The following DUSP16 variants were observed in gnomAD, a reference collection of about 807,000 sequenced individuals.
DUSP16 encodes the protein dual specificity protein phosphatase 16.
DUSP16 carries 21 observed loss-of-function variants against 58.3 expected under a neutral mutation model. The ratio of observed to expected loss-of-function variants is 0.36; its 90% CI spans 0.26 to 0.52. DUSP16 has a LOEUF of 0.52. Among genes scored for constraint, DUSP16 ranks in the 20% least tolerant of loss-of-function variants. The probability of loss-of-function intolerance (pLI) is 0.94; values close to 1 mark genes in which losing one functional copy is unlikely to be tolerated. For synonymous variants in DUSP16, 320 were observed against 323.8 expected (o/e 0.99, Z 0.12); for missense variants, 726 against 819.0 (o/e 0.89, Z 1.39).
chr12:12,540,673 A>T (rs1944538435), intron 1 of DUSP16, among the ~76,000 whole-genome samples: 2 of 152,154 alleles, frequency 1.3e-5, no homozygotes, highest in Non-Finnish European at 2.9e-5. Context: ...GGAGGTGAGG[A>T]GGTGGTCAAT....
chr12:12,503,200 C>G (rs1331169112), intron 3 of DUSP16, among the ~76,000 whole-genome samples: 2 of 150,056 alleles, frequency 1.3e-5, no homozygotes, highest in Non-Finnish European at 3.0e-5. Flanking sequence ...TAGTAAAGCA[C>G]TCAGGAGGTA....
chr12:12,526,126 T>C (rs1158379501), intron 1 of DUSP16, among the ~76,000 whole-genome samples: 1 of 152,132 alleles, frequency 6.6e-6, no homozygotes, highest in African/African-American at 2.4e-5. Flanking sequence ...ATAAACTGAG[T>C]CAACATCTTA....
At position 12,483,974 on chromosome 12, in the gene DUSP16, A is replaced by T. The variant is rs114512398; in HGVS notation, c.691+3054T>A. ...CCTAAAACTTAAAGTATAATAATAA[A>T]TAAAAATAAAAAAATTTAAAAATTA... On this transcript the variant is annotated intron_variant, in intron 5 of 6. Transcript: ENST00000298573. Among the ~76,000 whole-genome samples the T allele has an allele frequency of 5.4e-3, 814 of 151,948 alleles. 10 individuals are homozygous for T. Among genetic ancestry groups the T allele is most frequent in the African/African-American group, 0.018 (742 of 41,514 alleles).
chr12:12,473,811 T>G lies in DUSP16; in HGVS notation c.*3022A>C, dbSNP rs987472853. 2.0e-5 allele frequency among the ~76,000 whole-genome samples: 3 copies of G among 152,244 alleles called. No homozygotes were observed. The highest frequency in any genetic ancestry group is 7.2e-5 in the African/African-American group (3 of 41,472). On this transcript the variant is annotated 3_prime_UTR_variant, in exon 7 of 7. Transcript: ENST00000298573. ...TGTGGCAAGGACAAAGGACAGCTCTTCAACAATTGCCCTTCCTGTTTTTCC... is the reference window on the plus strand; with the variant it reads ...TGTGGCAAGGACAAAGGACAGCTCTGCAACAATTGCCCTTCCTGTTTTTCC...
intron 4 of DUSP16, among the ~76,000 whole-genome samples, chr12:12,497,905 G>C (rs1943852120): frequency 6.6e-6 from 1 of 152,016 alleles, no homozygotes; most frequent in Non-Finnish European, 1.5e-5. Context: ...GGGAGGGGGA[G>C]GTTGCAGTGA....
intron 1 of DUSP16, among the ~76,000 whole-genome samples, chr12:12,548,058 G>A (rs1281167149): frequency 6.6e-6 from 1 of 152,086 alleles, no homozygotes; most frequent in Non-Finnish European, 1.5e-5. Context: ...GACAGTTACT[G>A]TACTCCACTC....
chr12:12,538,310 AGAG>A (rs1490205450), intron 1 of DUSP16, among the ~76,000 whole-genome samples: 2 of 152,224 alleles, frequency 1.3e-5, no homozygotes, highest in African/African-American at 4.8e-5. Context: ...AATAATGGTA[AGAG>A]GAGAAATGGG....
In DUSP16 at chr12:12,487,019, G is replaced by GC. The variant is rs1943695023; in HGVS notation, c.691+8dup. 1 of 1,613,506 alleles carries GC rather than the reference G, an allele frequency of 6.2e-7. No individual in the cohort carries two copies. Among genetic ancestry groups the GC allele is most frequent in the African/African-American group, 1.3e-5 (1 of 74,904 alleles). Reference sequence around the variant, plus strand: ...CCACAGGACCTGCAATATTATTTGAGCTACTTACCAATGAAATCTACTGAT... The same window carrying GC: ...CCACAGGACCTGCAATATTATTTGAGCCTACTTACCAATGAAATCTACTGAT... On this transcript the variant is annotated intron_variant, in intron 5 of 6. Transcript: ENST00000298573.
intron 1 of DUSP16, among the ~76,000 whole-genome samples, chr12:12,525,729 T>TACACACACAC (rs1214393933): frequency 4.4e-4 from 47 of 106,580 alleles, no homozygotes; most frequent in Non-Finnish European, 7.3e-4. Flanking sequence ...AAAATATATG[T>TACACACACAC]ATACACACAC....
At position 12,507,005 on chromosome 12, in the gene DUSP16, G is replaced by T. The variant is rs142382322; in HGVS notation, c.368-6323C>A. Among the ~76,000 whole-genome samples the T allele has an allele frequency of 7.2e-4, 109 of 152,210 alleles. No individual in the cohort carries two copies. The East Asian group carries it at 0.019, about 27-fold the overall frequency. On this transcript the variant is annotated intron_variant, in intron 3 of 6. Coordinates refer to ENST00000298573, the MANE Select transcript of DUSP16 (RefSeq NM_030640.3). ...CCTTCACAATTCCAATTATAAATAT[G>T]ATTTTCTGTAAAAGCAAACGTGAAC... is the stretch of plus-strand genomic sequence containing the variant.
chr12:12,506,307 C>A (rs961042832), intron 3 of DUSP16: 5 of 152,210 alleles, frequency 3.3e-5, no homozygotes, highest in African/African-American at 1.2e-4. Context: ...ACGTTCTGCT[C>A]CAAATGGCTA....
chr12:12,492,483 C>T (rs767066836), intron 4 of DUSP16, among the ~76,000 whole-genome samples: 3 of 152,162 alleles, frequency 2.0e-5, no homozygotes, highest in Non-Finnish European at 4.4e-5. Flanking sequence ...AATCCATCCC[C>T]TCTTGCTCAA....
intron 1 of DUSP16, among the ~76,000 whole-genome samples, chr12:12,528,783 C>A (rs1163317969): frequency 6.6e-6 from 1 of 152,036 alleles, no homozygotes; most frequent in Non-Finnish European, 1.5e-5. Context: ...CGATCAACAA[C>A]AAAAACAAAA....
intron 1 of DUSP16, among the ~76,000 whole-genome samples, chr12:12,532,454 T>A (rs1201047703): frequency 2.0e-5 from 3 of 152,144 alleles, no homozygotes; most frequent in Non-Finnish European, 4.4e-5. Flanking sequence ...TACAAACACA[T>A]ACGATGGATA....
chr12:12,522,733 T>C (rs1218950404), intron 1 of DUSP16, among the ~76,000 whole-genome samples: 2 of 151,780 alleles, frequency 1.3e-5, no homozygotes, highest in South Asian at 2.1e-4. Flanking sequence ...CCAGCTAATT[T>C]TTGTACTTTT....
intron 1 of DUSP16, among the ~76,000 whole-genome samples, chr12:12,537,297 A>C (rs1944481063): frequency 6.6e-6 from 1 of 152,218 alleles, no homozygotes; most frequent in Non-Finnish European, 1.5e-5. Context: ...TCCAACAGTG[A>C]CTATAGTGTG....
intron 3 of DUSP16, among the ~76,000 whole-genome samples, chr12:12,515,918 G>GGGGT: frequency 1.3e-5 from 2 of 152,000 alleles, no homozygotes; most frequent in African/African-American, 4.8e-5. Context: ...TGAGACTACA[G>GGGGT]GCAGATGCCA....
intron 4 of DUSP16, 81 bp from the exon 5 acceptor site, chr12:12,487,268 A>G (rs563598848): frequency 7.0e-7 from 1 of 1,434,210 alleles, no homozygotes; most frequent in South Asian, 1.3e-5. Context: ...GTTTAATGTG[A>G]TGATAAAAAT....
At chr12:12,537,525 C>T (rs1290853851) in intron 1 of DUSP16, among the ~76,000 whole-genome samples, 1 of 152,166 alleles carries the variant, frequency 6.6e-6, no homozygotes, top group African/African-American at 2.4e-5. Context: ...AGTAAGCTTG[C>T]TATTGATGAA....
Sources: gnomAD v4.1 joint callset for allele counts (sites outside exome capture counted in the v4.1 genomes callset) on GRCh38, gnomAD v4.1.1 for gene constraint, MANE v1.5 for transcripts, NCBI Gene and HGNC (gene_info 2026-07-23, HGNC 2026-07-21) for gene names.